CDH11: variants seen among roughly 807,000 people sequenced by gnomAD.
CDH11 encodes cadherin 11.
CDH11 carries 11 observed loss-of-function variants against 67.8 expected under a neutral mutation model. The ratio of observed to expected loss-of-function variants is 0.16; its 90% CI spans 0.10 to 0.27. CDH11 has a LOEUF of 0.27. CDH11 is among the 10% of genes least tolerant of loss of function. The pLI is 1.00. For synonymous variants in CDH11, 419 were observed against 400.0 expected, an observed-to-expected ratio of 1.05 and a Z score of -0.57; for missense variants, 847 against 1,031.2, an observed-to-expected ratio of 0.82 and a Z score of 2.45.
chr16:65,018,869 G>A (rs567161586), intron 2 of CDH11, among the ~76,000 whole-genome samples: 1 of 152,260 alleles, frequency 6.6e-6, no homozygotes, highest in South Asian at 2.1e-4. Context: ...TTTTGAAGAG[G>A]ATGAAAGCAA....
chr16:64,946,090 C>T lies in CDH11; in HGVS notation c.*1513G>A. 9.5e-7 allele frequency: 1 copy of T among 1,058,012 alleles called. No homozygotes were observed. Among genetic ancestry groups the T allele is most frequent in the Non-Finnish European group, 1.1e-6 (1 of 874,710 alleles). 65.5% of individuals were successfully genotyped at this position (1,058,012 alleles called of 1,614,324 possible). On this transcript the variant is annotated 3_prime_UTR_variant, in exon 13 of 13. Coordinates refer to ENST00000268603, the MANE Select transcript of CDH11 (RefSeq NM_001797.4). Reference sequence around the variant, plus strand: ...ACCAAATGGCATCGACTCTCAGAATCCAAAATGGTCCCTGCCCTCATTCTG... The same window carrying T: ...ACCAAATGGCATCGACTCTCAGAATTCAAAATGGTCCCTGCCCTCATTCTG...
intron 11 of CDH11, among the ~76,000 whole-genome samples, chr16:64,968,942 T>C (rs779946936): frequency 6.6e-6 from 1 of 152,244 alleles, no homozygotes; most frequent in Non-Finnish European, 1.5e-5. Flanking sequence ...CTGTATTTGC[T>C]TTAAGTTTCT....
chr16:65,048,479 C>A (rs1440569710), intron 2 of CDH11, among the ~76,000 whole-genome samples: 1 of 152,008 alleles, frequency 6.6e-6, no homozygotes, highest in Non-Finnish European at 1.5e-5. Context: ...ATAGCAAAGT[C>A]ATGGAATCAA....
chr16:65,098,798 G>T (rs994439045), intron 1 of CDH11, among the ~76,000 whole-genome samples: 1 of 152,142 alleles, frequency 6.6e-6, no homozygotes, highest in African/African-American at 2.4e-5. Flanking sequence ...AATTAAAACT[G>T]CTGAAGTCCT....
intron 1 of CDH11, among the ~76,000 whole-genome samples, chr16:65,104,519 C>T (rs2075038826): frequency 6.6e-6 from 1 of 152,092 alleles, no homozygotes; most frequent in Non-Finnish European, 1.5e-5. Flanking sequence ...CCACTGTCAT[C>T]CCAAGGTAGA....
chr16:65,039,168 T>A (rs1011019596), intron 2 of CDH11, among the ~76,000 whole-genome samples: 2 of 152,228 alleles, frequency 1.3e-5, no homozygotes, highest in Non-Finnish European at 2.9e-5. Flanking sequence ...CCTTGCCATA[T>A]GAAGCAAGTC....
intron 7 of CDH11, chr16:64,985,624 T>C (rs939756883): frequency 6.6e-6 from 1 of 151,774 alleles, no homozygotes; most frequent in Non-Finnish European, 1.5e-5. Flanking sequence ...ACTATTGCAG[T>C]CAATTTTCAA....
chr16:65,112,519 T>C (rs2075177769), intron 1 of CDH11, among the ~76,000 whole-genome samples: 1 of 152,238 alleles, frequency 6.6e-6, no homozygotes, highest in African/African-American at 2.4e-5. Context: ...TTCTCTGTGC[T>C]GTTAATATTG....
intron 2 of CDH11, among the ~76,000 whole-genome samples, chr16:65,048,431 G>C (rs2073999550): frequency 6.6e-6 from 1 of 152,042 alleles, no homozygotes; most frequent in African/African-American, 2.4e-5. Context: ...TATCAAAACG[G>C]AACCTGCACC....
chr16:65,095,527 G>T (rs1164055299), intron 1 of CDH11, among the ~76,000 whole-genome samples: 1 of 152,126 alleles, frequency 6.6e-6, no homozygotes, highest in Non-Finnish European at 1.5e-5. Context: ...GTATTCAGTG[G>T]ATGTAATTCA....
At chr16:65,053,690 G>A in intron 2 of CDH11, 114 bp downstream of exon 2, 3 of 404,560 alleles carry the variant, frequency 7.4e-6, no homozygotes, top group South Asian at 5.4e-5. Context: ...TCTACTTTTG[G>A]CTTTAGTGAA....
At chr16:65,012,932 G>A (rs2073212866) in intron 2 of CDH11, among the ~76,000 whole-genome samples, 1 of 152,200 alleles carries the variant, frequency 6.6e-6, no homozygotes, top group Admixed American at 6.5e-5. Flanking sequence ...CAAAAGTCAA[G>A]ATTCTAGTGA....
chr16:65,048,229 G>A (rs1472750536), intron 2 of CDH11, among the ~76,000 whole-genome samples: 1 of 152,154 alleles, frequency 6.6e-6, no homozygotes, highest in Non-Finnish European at 1.5e-5. Context: ...AACCCACTAT[G>A]TCTCCTTTAA....
intron 1 of CDH11, among the ~76,000 whole-genome samples, chr16:65,086,557 C>G (rs1468158908): frequency 6.6e-6 from 1 of 152,152 alleles, no homozygotes; most frequent in Non-Finnish European, 1.5e-5. Flanking sequence ...TTATGATGTA[C>G]AGAATGAGAT....
intron 1 of CDH11, among the ~76,000 whole-genome samples, chr16:65,109,535 C>A (rs762161570): frequency 6.6e-6 from 1 of 152,202 alleles, no homozygotes; most frequent in Non-Finnish European, 1.5e-5. Flanking sequence ...AGAAGGTGTG[C>A]AGACTGTCCC....
rs369614405 is a variant in CDH11, at chr16:65,110,017, C to T, written c.-298+11863G>A. 1.1e-4 allele frequency among the ~76,000 whole-genome samples: 16 copies of T among 152,216 alleles called. No homozygotes were observed. The East Asian group carries it at 2.1e-3, about 20-fold the overall frequency. On this transcript the variant is annotated intron_variant, in intron 1 of 12. Coordinates refer to ENST00000268603, the MANE Select transcript of CDH11 (RefSeq NM_001797.4). ...CCCGAGTAGCTGGGGACTACAGGCA[C>T]GTGACACCGTGCTCAGCTAATTTTT... is the stretch of plus-strand genomic sequence containing the variant.
chr16:65,052,224 G>A (rs1051093225), intron 2 of CDH11, among the ~76,000 whole-genome samples: 3 of 152,102 alleles, frequency 2.0e-5, no homozygotes, highest in African/African-American at 7.2e-5. Context: ...TACAGTACTT[G>A]CAACTGGGAG....
intron 2 of CDH11, among the ~76,000 whole-genome samples, chr16:65,044,590 G>A (rs2073923072): frequency 6.6e-6 from 1 of 152,086 alleles, no homozygotes; most frequent in Admixed American, 6.5e-5. Flanking sequence ...GGGTCTAGGA[G>A]CCCCTGCTGG....
chr16:65,099,368 A>C (rs974214213), intron 1 of CDH11, among the ~76,000 whole-genome samples: 13 of 152,148 alleles, frequency 8.5e-5, no homozygotes, highest in Non-Finnish European at 2.9e-5. Context: ...TCCTTGTCTC[A>C]AGTGCACTGT....
Sources: gnomAD v4.1 joint callset for allele counts (sites outside exome capture counted in the v4.1 genomes callset) on GRCh38, gnomAD v4.1.1 for gene constraint, MANE v1.5 for transcripts, NCBI Gene and HGNC (gene_info 2026-07-23, HGNC 2026-07-21) for gene names.